The following PDE7B variants were observed in gnomAD, a reference collection of about 807,000 sequenced individuals.
PDE7B encodes the protein phosphodiesterase 7B.
PDE7B carries 29 observed loss-of-function variants against 56.2 expected under a neutral mutation model. The ratio of observed to expected loss-of-function variants is 0.52; its 90% CI spans 0.38 to 0.70. The LOEUF is 0.70. PDE7B is among the 30% of genes least tolerant of loss of function. PDE7B has a pLI of 0.00. For missense variants in PDE7B, 490 were observed against 565.0 expected (o/e 0.87, Z 1.35); for synonymous variants, 197 against 196.9 (o/e 1.00, Z 0.00).
intron 2 of PDE7B, among the ~76,000 whole-genome samples, chr6:135,977,766 C>T (rs1024817730): frequency 6.6e-6 from 1 of 152,086 alleles, no homozygotes; most frequent in Admixed American, 6.6e-5. Context: ...TGACCATCTT[C>T]AAAGTGTCCC....
At chr6:136,135,893 G>A (rs893016954) in intron 3 of PDE7B, among the ~76,000 whole-genome samples, 2 of 151,982 alleles carry the variant, frequency 1.3e-5, no homozygotes, top group Non-Finnish European at 1.5e-5. Context: ...TTAGCACCTC[G>A]TCAAAGTCCG....
chr6:136,147,517 C>A lies in PDE7B; in HGVS notation c.318+15C>A. On this transcript the variant is annotated intron_variant, in intron 4 of 12. Transcript: ENST00000308191. Reference sequence around the variant, plus strand: ...GACAAGCAAGGGTAAGCTGACTGCCCCATCTCCTCACAGCAGGCCAGTGGC... The same window carrying A: ...GACAAGCAAGGGTAAGCTGACTGCCACATCTCCTCACAGCAGGCCAGTGGC... 6.2e-7 allele frequency: 1 copy of A among 1,611,912 alleles called. No homozygotes were observed. The highest frequency in any genetic ancestry group is 1.7e-5 in the Admixed American group (1 of 59,944).
intron 1 of PDE7B, among the ~76,000 whole-genome samples, chr6:135,905,073 C>A (rs1776073200): frequency 6.6e-6 from 1 of 152,104 alleles, no homozygotes; most frequent in African/African-American, 2.4e-5. Flanking sequence ...GAACAAGGGG[C>A]CTTGCATTTT....
At chr6:136,052,566 C>G (rs1389370464) in intron 2 of PDE7B, among the ~76,000 whole-genome samples, 3 of 151,908 alleles carry the variant, frequency 2.0e-5, no homozygotes. Context: ...GGGAAAAGTG[C>G]AAGTCTCCAC....
chr6:135,985,137 CT>C (rs1251105952), intron 2 of PDE7B, among the ~76,000 whole-genome samples: 10 of 152,204 alleles, frequency 6.6e-5, no homozygotes, highest in Non-Finnish European at 1.2e-4. Context: ...GCATTTCTCT[CT>C]TTGTGACTAT....
intron 2 of PDE7B, among the ~76,000 whole-genome samples, chr6:136,042,455 C>A (rs1412262047): frequency 6.6e-6 from 1 of 152,170 alleles, no homozygotes; most frequent in African/African-American, 2.4e-5. Context: ...TTCGGTGTCT[C>A]TGGTCTAAAT....
At chr6:135,901,019 C>A (rs1251344817) in intron 1 of PDE7B, among the ~76,000 whole-genome samples, 1 of 152,150 alleles carries the variant, frequency 6.6e-6, no homozygotes, top group African/African-American at 2.4e-5. Flanking sequence ...TGAATGCCAC[C>A]TTGGACTTCC....
chr6:135,959,689 T>A (rs1267553663), intron 2 of PDE7B, among the ~76,000 whole-genome samples: 1 of 152,120 alleles, frequency 6.6e-6, no homozygotes, highest in East Asian at 1.9e-4. Flanking sequence ...AAGAGGACTC[T>A]GGGTAACAGT....
chr6:135,978,838 C>T (rs1196166344), intron 2 of PDE7B, among the ~76,000 whole-genome samples: 2 of 152,050 alleles, frequency 1.3e-5, no homozygotes, highest in African/African-American at 4.8e-5. Flanking sequence ...GACAATTTGA[C>T]TTCCTCTTTT....
At chr6:136,083,278 G>A (rs1246077961) in intron 2 of PDE7B, among the ~76,000 whole-genome samples, 2 of 152,184 alleles carry the variant, frequency 1.3e-5, no homozygotes. Flanking sequence ...TGATACCTTT[G>A]TGCATTCTCA....
intron 2 of PDE7B, among the ~76,000 whole-genome samples, chr6:136,021,607 G>C (rs1024868722): frequency 6.6e-6 from 1 of 150,606 alleles, no homozygotes; most frequent in Admixed American, 6.6e-5. Context: ...TTGCACCACT[G>C]CACTCCAGTC....
rs965881870 is a variant in PDE7B, at chr6:135,892,962, C to A, written c.21+40943C>A. Among the ~76,000 whole-genome samples the A allele has an allele frequency of 4.8e-4, 73 of 152,112 alleles. 1 individual carries two copies. The highest frequency in any genetic ancestry group is 1.3e-4 in the Non-Finnish European group (9 of 68,010). ...TTCTCTTCTACCCATAATCTTGCCT[C>A]TTTTTGAATCCACATGGCATTGATT... On this transcript the variant is annotated intron_variant, in intron 1 of 12. Transcript: ENST00000308191.
intron 1 of PDE7B, among the ~76,000 whole-genome samples, chr6:135,919,451 C>T (rs573477377): frequency 3.9e-5 from 6 of 152,276 alleles, no homozygotes; most frequent in African/African-American, 1.2e-4. Flanking sequence ...AAAATTTCTA[C>T]ACTTAATCAT....
intron 3 of PDE7B, among the ~76,000 whole-genome samples, chr6:136,117,726 T>G (rs1312950998): frequency 6.6e-6 from 1 of 152,184 alleles, no homozygotes; most frequent in Non-Finnish European, 1.5e-5. Context: ...AGGCCAGGTG[T>G]GCACCCCTCT....
chr6:136,056,512 C>CTTTTTTCCT lies in PDE7B; in HGVS notation c.83-52213_83-52212insCCTTTTTTT, dbSNP rs1776734639. Among the ~76,000 whole-genome samples the CTTTTTTCCT allele has an allele frequency of 5.6e-5, 3 of 53,942 alleles. No homozygotes were observed. In the East Asian group the frequency reaches 1.4e-3, roughly 26 times the overall value. The allele number at this position is 53,942 out of a possible 152,430, so 35.4% of individuals were successfully genotyped here. A position where few individuals can be genotyped will look rare whatever the true frequency, so the allele number is the denominator to read the frequency against. On this transcript the variant is annotated intron_variant, in intron 2 of 12. Transcript: ENST00000308191. ...TCTGAGCTCCTTTGCAGATAGAATCCTTTTTTTTTTTTTTTTTTTTTTTTT... is the reference window on the plus strand; with the variant it reads ...TCTGAGCTCCTTTGCAGATAGAATCCTTTTTTCCTTTTTTTTTTTTTTTTTTTTTTTTTT...
intron 2 of PDE7B, among the ~76,000 whole-genome samples, chr6:135,997,191 G>A (rs1416063488): frequency 1.3e-5 from 2 of 151,796 alleles, no homozygotes; most frequent in African/African-American, 2.4e-5. Flanking sequence ...GCCAAGATGG[G>A]CAGATTGCTT....
intron 1 of PDE7B, among the ~76,000 whole-genome samples, chr6:135,931,565 A>G (rs1258066172): frequency 6.6e-6 from 1 of 152,192 alleles, no homozygotes; most frequent in African/African-American, 2.4e-5. Flanking sequence ...ATTTTCATTT[A>G]TAATAAATGA....
chr6:136,104,194 C>T (rs1362337885), intron 2 of PDE7B, among the ~76,000 whole-genome samples: 1 of 123,280 alleles, frequency 8.1e-6, no homozygotes, highest in African/African-American at 6.7e-5. Context: ...AAAGCAGCAG[C>T]CTTTCAAAAT....
At chr6:135,921,605 C>A (rs1292674710) in intron 1 of PDE7B, among the ~76,000 whole-genome samples, 2 of 151,724 alleles carry the variant, frequency 1.3e-5, no homozygotes, top group Non-Finnish European at 2.9e-5. Context: ...TTCAGTAATT[C>A]TTTATAAAAA....
Sources: gnomAD v4.1 joint callset for allele counts (sites outside exome capture counted in the v4.1 genomes callset) on GRCh38, gnomAD v4.1.1 for gene constraint, MANE v1.5 for transcripts, NCBI Gene and HGNC (gene_info 2026-07-23, HGNC 2026-07-21) for gene names.